Variants in EPHA7 observed in about 807,000 individuals in gnomAD.
EPHA7 encodes the protein ephrin type-A receptor 7.
In EPHA7, 25 loss-of-function variants were observed where a neutral mutation model predicts 112.6. The ratio of observed to expected loss-of-function variants is 0.22; its 90% CI spans 0.16 to 0.31. The LOEUF is 0.31. EPHA7 is among the 10% of genes least tolerant of loss of function. EPHA7 has a pLI of 1.00. For synonymous variants in EPHA7, 437 were observed against 406.5 expected (o/e 1.07, Z -0.90); for missense variants, 962 against 1,212.6 (o/e 0.79, Z 3.07).
At chr6:93,254,560 T>C (rs528519364) in intron 14 of EPHA7, 87 bp downstream of exon 14, 1 of 1,029,388 alleles carries the variant, frequency 9.7e-7, no homozygotes, top group African/African-American at 1.6e-5. Context: ...TTTAAAAGTG[T>C]TCTTAATGAG....
chr6:93,326,676 T>G (rs1022172110), intron 5 of EPHA7, among the ~76,000 whole-genome samples: 1 of 151,446 alleles, frequency 6.6e-6, no homozygotes, highest in Non-Finnish European at 1.5e-5. Flanking sequence ...TCATAGCATA[T>G]GACGTGTTTG....
intron 3 of EPHA7, among the ~76,000 whole-genome samples, chr6:93,407,296 TC>T: frequency 6.6e-6 from 1 of 152,004 alleles, no homozygotes. Context: ...TAGCATCCTC[TC>T]CCAAACACAT....
Position 93,270,444 on chromosome 6 carries a change from A to G in EPHA7, c.1450-784T>C, listed in dbSNP as rs552217606. Among the ~76,000 whole-genome samples, 3 of 151,646 alleles carry G rather than the reference A, an allele frequency of 2.0e-5. No homozygotes were observed. The South Asian group carries it at 6.2e-4, about 31-fold the overall frequency. ...TAAATGTAAAAACTCAAGCATATAA[A>G]AACTCCATCAAAACAATATTTAAAT... On this transcript the variant is annotated intron_variant, in intron 6 of 16. Coordinates refer to ENST00000369303, the MANE Select transcript of EPHA7 (RefSeq NM_004440.4).
At chr6:93,286,330 C>T (rs138206599) in intron 5 of EPHA7, among the ~76,000 whole-genome samples, 6 of 152,208 alleles carry the variant, frequency 3.9e-5, no homozygotes, top group Admixed American at 6.5e-5. Context: ...ATAAGCAATG[C>T]GAATGCTCAG....
intron 1 of EPHA7, among the ~76,000 whole-genome samples, chr6:93,414,980 T>C (rs950112728): frequency 6.6e-6 from 1 of 152,012 alleles, no homozygotes; most frequent in African/African-American, 2.4e-5. Context: ...ATATTATATT[T>C]GGTATGCTTT....
chr6:93,250,655 A>G (rs761224742), intron 14 of EPHA7, among the ~76,000 whole-genome samples: 2 of 152,124 alleles, frequency 1.3e-5, no homozygotes, highest in Non-Finnish European at 2.9e-5. Flanking sequence ...TTGGAAAAAC[A>G]ATGCACAGAG....
Position 93,243,337 on chromosome 6 carries a change from T to A in EPHA7, c.*89A>T. ...CTGTTGGAAGGACCCAGGACATCAC[T>A]TGTCTTCTAGCAGCATTCTATGCAT... On this transcript the variant is annotated 3_prime_UTR_variant, in exon 17 of 17. Transcript: ENST00000369303. 1 of 965,548 alleles carries A rather than the reference T, an allele frequency of 1.0e-6. No homozygotes were observed. The allele number at this position is 965,548 out of a possible 1,614,324, so 59.8% of individuals were successfully genotyped here.
intron 5 of EPHA7, among the ~76,000 whole-genome samples, chr6:93,331,930 A>C (rs1016613439): frequency 6.6e-6 from 1 of 151,620 alleles, no homozygotes; most frequent in African/African-American, 2.4e-5. Flanking sequence ...AACATGCCAC[A>C]TTGCCTCACA....
At chr6:93,259,530 G>T (rs1413117741) in intron 9 of EPHA7, 51 bp from the exon 10 acceptor site, 1 of 1,601,766 alleles carries the variant, frequency 6.2e-7, no homozygotes, top group Non-Finnish European at 8.5e-7. Flanking sequence ...CACTTATTGT[G>T]CAGTCAGCCC....
chr6:93,243,626 C>G, intron 16 of EPHA7, 86 bp from the exon 17 acceptor site: 1 of 894,742 alleles, frequency 1.1e-6, no homozygotes, highest in Admixed American at 1.8e-5. Context: ...TAATTAAATA[C>G]GTTATCTTAG....
chr6:93,272,250 C>CA (rs1293956117), intron 6 of EPHA7, 48 bp downstream of exon 6: 2 of 1,604,974 alleles, frequency 1.2e-6, no homozygotes. Context: ...AGTAGGATGA[C>CA]ATGAGACACA....
intron 3 of EPHA7, among the ~76,000 whole-genome samples, chr6:93,405,504 C>G (rs571806260): frequency 6.6e-6 from 1 of 151,760 alleles, no homozygotes; most frequent in South Asian, 2.1e-4. Context: ...GGTTTCTTTA[C>G]TTAGCAAATT....
chr6:93,241,626 A>C lies in EPHA7; in HGVS notation c.*1800T>G, dbSNP rs1278600997. The C allele has an allele frequency of 1.1e-5, 2 of 178,644 alleles. No individual in the cohort carries two copies. The highest frequency in any genetic ancestry group is 6.1e-5 in the African/African-American group (2 of 32,924). The allele number at this position is 178,644 out of a possible 1,614,324, so 11.1% of individuals were successfully genotyped here. ...TAACACTGTACAGTGATTTAAAACCAAAAAAAAAGGGTGGGGAGGGGTTTG... is the reference window on the plus strand; with the variant it reads ...TAACACTGTACAGTGATTTAAAACCCAAAAAAAAGGGTGGGGAGGGGTTTG... On this transcript the variant is annotated 3_prime_UTR_variant, in exon 17 of 17. Coordinates refer to ENST00000369303, the MANE Select transcript of EPHA7 (RefSeq NM_004440.4).
intron 5 of EPHA7, among the ~76,000 whole-genome samples, chr6:93,274,785 C>T (rs568918385): frequency 1.3e-5 from 2 of 151,902 alleles, no homozygotes; most frequent in South Asian, 2.1e-4. Flanking sequence ...ACATTTGGTA[C>T]AGGAAACGTG....
intron 14 of EPHA7, among the ~76,000 whole-genome samples, chr6:93,254,209 C>A (rs1770337811): frequency 6.6e-6 from 1 of 151,780 alleles, no homozygotes; most frequent in Non-Finnish European, 1.5e-5. Flanking sequence ...AAACTTAAAC[C>A]AATCAACAGT....
At chr6:93,357,252 T>C (rs1775995679) in intron 4 of EPHA7, among the ~76,000 whole-genome samples, 200 bp from the exon 5 acceptor site, 2 of 152,202 alleles carry the variant, frequency 1.3e-5, no homozygotes, top group South Asian at 2.1e-4. Context: ...TTGAATTCAC[T>C]TGGCAAGAGG....
intron 5 of EPHA7, among the ~76,000 whole-genome samples, chr6:93,347,412 C>G (rs1018242282): frequency 6.6e-6 from 1 of 150,498 alleles, no homozygotes; most frequent in African/African-American, 2.4e-5. Flanking sequence ...AGGTACTGCA[C>G]TAAACAAGTT....
chr6:93,270,933 C>A (rs1260871270), intron 6 of EPHA7, among the ~76,000 whole-genome samples: 3 of 151,382 alleles, frequency 2.0e-5, no homozygotes, highest in Non-Finnish European at 4.4e-5. Flanking sequence ...TTCTGTAAGG[C>A]CAAAAAATGA....
In EPHA7 at chr6:93,257,512, T is replaced by C. The variant is rs1770491622; in HGVS notation, c.2122A>G (p.Met708Val). ...EGVVTRGKPV[M>V]IVIEFMENGA... ...TTTTCCATGAACTCTATTACTATCA[T>C]GACTGGTTTCCCTAAAATTAAAAAA... Residue 708 changes from methionine (M) to valine (V), a missense_variant, in exon 12 of 17, where the codon ATG (methionine) becomes GTG (valine). Met to Val is a conservative substitution (Grantham distance 21, BLOSUM62 1). Around this residue, in one of 3 missense-constraint regions of EPHA7, gnomAD observed 746 missense variants for 889.2 expected, o/e 0.84. Coordinates refer to ENST00000369303, the MANE Select transcript of EPHA7 (RefSeq NM_004440.4). The C allele has an allele frequency of 6.2e-7, 1 of 1,610,506 alleles. No individual in the cohort carries two copies. The highest frequency in any genetic ancestry group is 8.5e-7 in the Non-Finnish European group (1 of 1,178,366).
Sources: allele counts gnomAD v4.1 joint callset (sites outside exome capture counted in the v4.1 genomes callset), GRCh38; gene constraint gnomAD v4.1.1; regional missense constraint gnomAD v4.1.1; transcripts MANE v1.5; gene names NCBI Gene and HGNC (gene_info 2026-07-23, HGNC 2026-07-21).